The following GLRA2 variants were observed in gnomAD, a reference collection of about 807,000 sequenced individuals.
The protein encoded by GLRA2 is glycine receptor alpha 2.
Under a neutral mutation model 31.6 loss-of-function variants are expected in GLRA2, and 11 were observed. The ratio of observed to expected loss-of-function variants is 0.35; its 90% CI spans 0.22 to 0.58. GLRA2 has a LOEUF of 0.58. Among genes scored for constraint, GLRA2 ranks in the 20% least tolerant of loss-of-function variants. GLRA2 has a pLI of 0.84. For missense variants in GLRA2, 212 were observed against 351.8 expected (o/e 0.60, Z 3.18); for synonymous variants, 132 against 134.0 (o/e 0.99, Z 0.10).
intron 7 of GLRA2, among the ~76,000 whole-genome samples, chrX:14,668,746 C>T (rs1480443691): frequency 9.0e-6 from 1 of 111,629 alleles, no homozygotes; most frequent in East Asian, 2.8e-4. Context: ...AAGACCTGCC[C>T]CCATGATTCA....
chrX:14,690,535 A>G (rs1190568433), intron 7 of GLRA2, among the ~76,000 whole-genome samples, 175 bp from the exon 8 acceptor site: 1 of 112,233 alleles, frequency 8.9e-6, no homozygotes, highest in African/African-American at 3.2e-5. Context: ...TCTTCAAAGT[A>G]GAATCAATGG....
At chrX:14,585,028 G>A (rs1323599894) in intron 4 of GLRA2, among the ~76,000 whole-genome samples, 1 of 111,481 alleles carries the variant, frequency 9.0e-6, no homozygotes, top group African/African-American at 3.3e-5. Context: ...CCCAAGCATA[G>A]CACATTACAG....
intron 8 of GLRA2, among the ~76,000 whole-genome samples, chrX:14,698,665 G>A (rs1327447440): frequency 4.0e-5 from 3 of 74,721 alleles, no homozygotes; most frequent in African/African-American, 1.1e-4. Flanking sequence ...GCGACAGAGT[G>A]AGACTCTATC....
chrX:14,668,125 G>C (rs1355753210), intron 7 of GLRA2, among the ~76,000 whole-genome samples: 2 of 111,773 alleles, frequency 1.8e-5, no homozygotes, highest in African/African-American at 6.5e-5. Context: ...CTCCTGTGCT[G>C]TCAGACTGAG....
At chrX:14,495,222 T>C in the GLRA2 span, among the ~76,000 whole-genome samples, 7 of 111,530 alleles carry the variant, frequency 6.3e-5, no homozygotes, top group Admixed American at 6.7e-4. Flanking sequence ...TTTCTAGGAT[T>C]GTGGCTTTTG....
rs1307646235 is a variant in GLRA2, at chrX:14,693,044, AC to A, written c.1080+2186del. Among the ~76,000 whole-genome samples, 33 of 91,828 alleles carry A rather than the reference AC, an allele frequency of 3.6e-4. 1 individual carries two copies. The highest frequency in any genetic ancestry group is 9.9e-4 in the African/African-American group (26 of 26,217). The allele number at this position is 91,828 out of a possible 115,157, so 79.7% of individuals were successfully genotyped here. A position where few individuals can be genotyped will look rare whatever the true frequency, so the allele number is the denominator to read the frequency against. On this transcript the variant is annotated intron_variant, in intron 8 of 8. Coordinates refer to ENST00000218075, the MANE Select transcript of GLRA2 (RefSeq NM_002063.4). ...GTACCCTAAAACTTAAAGTATAATAACAAAAAAAAAAAAGAAAGAGGGAATG... is the reference window on the plus strand; with the variant it reads ...GTACCCTAAAACTTAAAGTATAATAAAAAAAAAAAAAAGAAAGAGGGAATG...
At chrX:14,460,557 T>C in the GLRA2 span, among the ~76,000 whole-genome samples, 1 of 111,899 alleles carries the variant, frequency 8.9e-6, no homozygotes, top group African/African-American at 3.3e-5. Context: ...GAACCTGTTA[T>C]TGATCTATTC....
chrX:14,553,519 C>CT (rs1414321816), intron 2 of GLRA2, among the ~76,000 whole-genome samples: 1 of 110,926 alleles, frequency 9.0e-6, no homozygotes, highest in South Asian at 3.8e-4. Flanking sequence ...TAGATGATGG[C>CT]TTTTTTTTAA....
intron 1 of GLRA2, chrX:14,531,164 T>C: frequency 1.1e-6 from 1 of 936,916 alleles, no homozygotes; most frequent in Non-Finnish European, 1.4e-6. Flanking sequence ...ATCAGATGAA[T>C]CTGCATATGA....
At chrX:14,605,436 A>G (rs1027320244) in intron 5 of GLRA2, among the ~76,000 whole-genome samples, 10 of 111,606 alleles carry the variant, frequency 9.0e-5, no homozygotes, top group African/African-American at 2.6e-4. Flanking sequence ...CTGATTTAAA[A>G]TAGGCCTTAT....
At chrX:14,559,062 T>G (rs746787332) in intron 2 of GLRA2, among the ~76,000 whole-genome samples, 46 of 111,628 alleles carry the variant, frequency 4.1e-4, no homozygotes, top group Non-Finnish European at 7.7e-4. Flanking sequence ...TGACTTCAGG[T>G]GATCTGCCCA....
At chrX:14,465,851 C>G in the GLRA2 span, among the ~76,000 whole-genome samples, 26,988 of 110,960 alleles carry the variant, frequency 0.24, 2,741 homozygotes, top group African/African-American at 0.39. Context: ...GAGACCCCAG[C>G]TAAAGTACAA....
At chrX:14,557,451 ACT>A (rs959913167) in intron 2 of GLRA2, among the ~76,000 whole-genome samples, 1 of 111,097 alleles carries the variant, frequency 9.0e-6, no homozygotes, top group African/African-American at 3.3e-5. Flanking sequence ...TAAAATCCAC[ACT>A]CTTTGCTGAA....
At chrX:14,605,492 G>A (rs1285034245) in intron 5 of GLRA2, among the ~76,000 whole-genome samples, 1 of 111,087 alleles carries the variant, frequency 9.0e-6, no homozygotes, top group African/African-American at 3.3e-5. Flanking sequence ...GAAAAAAGCT[G>A]AGAAAAACAT....
chrX:14,610,075 T>C (rs1215273177), intron 7 of GLRA2, among the ~76,000 whole-genome samples: 1 of 112,215 alleles, frequency 8.9e-6, no homozygotes, highest in Non-Finnish European at 1.9e-5. Flanking sequence ...CACTGAGCCA[T>C]TGGCTTCAAT....
intron 4 of GLRA2, among the ~76,000 whole-genome samples, chrX:14,589,392 G>C (rs1389903357): frequency 1.8e-5 from 2 of 108,224 alleles, no homozygotes; most frequent in African/African-American, 6.7e-5. Flanking sequence ...GGGCGCGGTG[G>C]CTCATGCCTG....
At chrX:14,528,797 T>C (rs1470225714), upstream of GLRA2, among the ~76,000 whole-genome samples, 1 of 111,450 alleles carries the variant, frequency 9.0e-6, no homozygotes, top group African/African-American at 3.3e-5. Context: ...CCTTTAACCA[T>C]GGCAAGAAAA....
the GLRA2 span, among the ~76,000 whole-genome samples, chrX:14,448,843 GAGAA>G: frequency 9.0e-6 from 1 of 110,871 alleles, no homozygotes; most frequent in Non-Finnish European, 1.9e-5. Flanking sequence ...TGCCTAGAGA[GAGAA>G]AGAGTTAAGC....
At chrX:14,472,878 A>G in the GLRA2 span, among the ~76,000 whole-genome samples, 6 of 111,197 alleles carry the variant, frequency 5.4e-5, no homozygotes, top group African/African-American at 1.6e-4. Context: ...TAATATAAGT[A>G]TCTCAGCTCT....
Sources: gnomAD v4.1 joint callset for allele counts (sites outside exome capture counted in the v4.1 genomes callset) on GRCh38, gnomAD v4.1.1 for gene constraint, MANE v1.5 for transcripts, NCBI Gene and HGNC (gene_info 2026-07-23, HGNC 2026-07-21) for gene names.